Variants in APBA1 observed in about 807,000 individuals in gnomAD.
The protein encoded by APBA1 is amyloid beta precursor protein binding family A member 1, also known as amyloid-beta A4 precursor protein-binding family A member 1.
APBA1 carries 55 observed loss-of-function variants against 86.6 expected under a neutral mutation model. That is an observed-to-expected ratio of 0.64 (90% CI 0.51 to 0.80). The LOEUF (loss-of-function observed/expected upper bound fraction) is 0.80. APBA1 is among the 30% of genes least tolerant of loss of function. APBA1 has a pLI of 0.00. For synonymous variants in APBA1, 511 were observed against 493.9 expected, an observed-to-expected ratio of 1.03 and a Z score of -0.46; for missense variants, 1,090 against 1,183.0, an observed-to-expected ratio of 0.92 and a Z score of 1.15.
intron 1 of APBA1, among the ~76,000 whole-genome samples, chr9:69,637,930 T>C (rs1221757252): frequency 1.3e-5 from 2 of 152,126 alleles, no homozygotes; most frequent in African/African-American, 2.4e-5. Flanking sequence ...ATCATGAATG[T>C]GAGATAATGA....
At chr9:69,511,649 A>T (rs1836043583) in intron 2 of APBA1, among the ~76,000 whole-genome samples, 1 of 152,020 alleles carries the variant, frequency 6.6e-6, no homozygotes, top group South Asian at 2.1e-4. Context: ...CATTATTCAC[A>T]ATAGCAAAGA....
chr9:69,605,575 T>A (rs1822454746), intron 1 of APBA1, among the ~76,000 whole-genome samples: 1 of 152,200 alleles, frequency 6.6e-6, no homozygotes. Context: ...GTCACAAATG[T>A]TAGCTTACGT....
At chr9:69,672,811 C>T (rs1264848341), upstream of APBA1, 1 of 152,362 alleles carries the variant, frequency 6.6e-6, no homozygotes, top group Admixed American at 6.5e-5. Context: ...GGTGGCAACC[C>T]AGGTGGTCCC....
In APBA1 at chr9:69,578,418, G is replaced by A. The variant is rs148079713; in HGVS notation, c.-69-61139C>T. 5.8e-3 allele frequency among the ~76,000 whole-genome samples: 876 copies of A among 152,286 alleles called. 8 individuals are homozygous for A. Among genetic ancestry groups the A allele is most frequent in the Non-Finnish European group, 0.011 (724 of 68,020 alleles). On this transcript the variant is annotated intron_variant, in intron 1 of 12. Coordinates refer to ENST00000265381, the MANE Select transcript of APBA1 (RefSeq NM_001163.4). ...TCAATCATCTTTTGAGGCTCAACTT[G>A]CAGAACATCCTCTGCTGGGGGTTCT... is the stretch of plus-strand genomic sequence containing the variant.
chr9:69,670,441 GC>G (rs2134034972), intron 1 of APBA1, among the ~76,000 whole-genome samples: 1 of 152,322 alleles, frequency 6.6e-6, no homozygotes, highest in Admixed American at 6.5e-5. Context: ...TTCCGACAAT[GC>G]AGTAGAATTT....
chr9:69,613,294 T>C (rs1181160457), intron 1 of APBA1, among the ~76,000 whole-genome samples: 2 of 152,196 alleles, frequency 1.3e-5, no homozygotes, highest in African/African-American at 4.8e-5. Flanking sequence ...GAAATCTGTT[T>C]AACAGCCATC....
chr9:69,598,400 A>T (rs540371815), intron 1 of APBA1, among the ~76,000 whole-genome samples: 40 of 152,134 alleles, frequency 2.6e-4, no homozygotes, highest in African/African-American at 8.2e-4. Context: ...AACCTGCACA[A>T]TGTGCACATG....
At chr9:69,471,552 G>A in intron 4 of APBA1, 104 bp downstream of exon 4, 3 of 917,902 alleles carry the variant, frequency 3.3e-6, no homozygotes, top group Non-Finnish European at 5.3e-6. Context: ...TGACTTTGTG[G>A]CCTTTCTTCC....
intron 1 of APBA1, among the ~76,000 whole-genome samples, chr9:69,590,492 C>G (rs1306958933): frequency 6.6e-6 from 1 of 152,172 alleles, no homozygotes; most frequent in Non-Finnish European, 1.5e-5. Flanking sequence ...CTGGAGGCCT[C>G]ACAGCACTGG....
chr9:69,560,082 C>A (rs1836924926), intron 1 of APBA1, among the ~76,000 whole-genome samples: 1 of 152,158 alleles, frequency 6.6e-6, no homozygotes, highest in Non-Finnish European at 1.5e-5. Context: ...TCCCTGCTTG[C>A]CCAGGTTTAG....
intron 1 of APBA1, among the ~76,000 whole-genome samples, chr9:69,645,903 A>G (rs1027589954): frequency 1.1e-4 from 17 of 152,130 alleles, no homozygotes; most frequent in African/African-American, 2.4e-5. Context: ...CAGCTGCCCA[A>G]TCACGTCTCT....
Position 69,449,686 on chromosome 9 carries a change from A to G in APBA1, c.2079T>C (p.Pro693=), listed in dbSNP as rs1449934041. Residue 693 remains proline, a synonymous_variant, in exon 10 of 13, where the codon CCT becomes CCC. Coordinates refer to ENST00000265381, the MANE Select transcript of APBA1 (RefSeq NM_001163.4). Reference sequence around the variant, plus strand: ...TATTCAGCTTCCCAGATTTCTCCGCAGGGCCACCATGCATCATGTTGGCAA... The same window carrying G: ...TATTCAGCTTCCCAGATTTCTCCGCGGGGCCACCATGCATCATGTTGGCAA... ...VIIANMMHGG[P]AEKSGKLNIG... 6.2e-6 allele frequency: 10 copies of G among 1,614,066 alleles called. No individual in the cohort carries two copies. Among genetic ancestry groups the G allele is most frequent in the Non-Finnish European group, 8.5e-6 (10 of 1,180,012 alleles).
At chr9:69,604,168 G>T (rs796703569) in intron 1 of APBA1, among the ~76,000 whole-genome samples, 2 of 152,284 alleles carry the variant, frequency 1.3e-5, no homozygotes, top group African/African-American at 4.8e-5. Context: ...TTGTGGGGGG[G>T]TGTGCACATG....
intron 11 of APBA1, 100 bp downstream of exon 11, chr9:69,440,896 G>C (rs1424296886): frequency 1.4e-6 from 2 of 1,423,514 alleles, no homozygotes; most frequent in Non-Finnish European, 1.9e-6. Flanking sequence ...TTGTAGACTG[G>C]AGCTGTTCCT....
At chr9:69,441,194 CA>C (rs1834816578) in intron 10 of APBA1, 79 bp from the exon 11 acceptor site, 1 of 1,523,094 alleles carries the variant, frequency 6.6e-7, no homozygotes, top group East Asian at 2.3e-5. Flanking sequence ...GCACCAAAGG[CA>C]AAAGAAGCTG....
Position 69,636,922 on chromosome 9 carries a change from G to GGAAAGAAAGAAA in APBA1, c.-70+35219_-70+35230dup, listed in dbSNP as rs1164309911. 2.4e-3 allele frequency among the ~76,000 whole-genome samples: 155 copies of GGAAAGAAAGAAA among 63,936 alleles called. 2 individuals are homozygous for GGAAAGAAAGAAA. Among genetic ancestry groups the GGAAAGAAAGAAA allele is most frequent in the African/African-American group, 8.4e-3 (125 of 14,874 alleles). 41.9% of individuals were successfully genotyped at this position (63,936 alleles called of 152,430 possible). A position where few individuals can be genotyped will look rare whatever the true frequency, so the allele number is the denominator to read the frequency against. On this transcript the variant is annotated intron_variant, in intron 1 of 12. Transcript: ENST00000265381. ...AGGAAGGAAGGAAGGAAGGAAGGAA[G>GGAAAGAAAGAAA]GAAAGAAAGAAAGAAAGAAAGAAAG...
intron 1 of APBA1, among the ~76,000 whole-genome samples, chr9:69,628,110 G>A (rs888545789): frequency 3.9e-5 from 6 of 152,158 alleles, no homozygotes; most frequent in Non-Finnish European, 4.4e-5. Flanking sequence ...TTGCTGGCTT[G>A]ATGAGGTAAG....
intron 2 of APBA1, among the ~76,000 whole-genome samples, chr9:69,503,317 T>A (rs1341859679): frequency 1.3e-5 from 2 of 152,114 alleles, no homozygotes; most frequent in Non-Finnish European, 2.9e-5. Flanking sequence ...AAAATTGAAG[T>A]CTTCCCTGTC....
intron 10 of APBA1, 43 bp from the exon 11 acceptor site, chr9:69,441,158 G>T: frequency 6.3e-7 from 1 of 1,587,574 alleles, no homozygotes. Flanking sequence ...GACCACTGAG[G>T]CAGACAGAAT....
Sources: gnomAD v4.1 joint callset for allele counts (sites outside exome capture counted in the v4.1 genomes callset) on GRCh38, gnomAD v4.1.1 for gene constraint, MANE v1.5 for transcripts, NCBI Gene and HGNC (gene_info 2026-07-23, HGNC 2026-07-21) for gene names.